The following PHACTR1 variants were observed in gnomAD, a reference collection of about 807,000 sequenced individuals.
PHACTR1 encodes the protein phosphatase and actin regulator 1.
Under a neutral mutation model 69.2 loss-of-function variants are expected in PHACTR1, and 16 were observed. That is an observed-to-expected ratio of 0.23 (90% CI 0.16 to 0.35). The LOEUF (loss-of-function observed/expected upper bound fraction) is 0.35, where lower values mean the gene tolerates loss of function less well. Ranked by LOEUF, PHACTR1 falls within the 10% of genes least tolerant of loss-of-function variation. The pLI is 1.00. For synonymous variants in PHACTR1, 312 were observed against 284.5 expected, an observed-to-expected ratio of 1.10 and a Z score of -0.97; for missense variants, 510 against 734.7, an observed-to-expected ratio of 0.69 and a Z score of 3.54.
chr6:12,751,964 C>G (rs950472724), intron 4 of PHACTR1, among the ~76,000 whole-genome samples: 2 of 152,218 alleles, frequency 1.3e-5, no homozygotes, highest in African/African-American at 4.8e-5. Flanking sequence ...GATGGGTACT[C>G]TTTCCCTCCT....
At chr6:12,812,412 A>G (rs1003753880) in intron 4 of PHACTR1, among the ~76,000 whole-genome samples, 8 of 152,198 alleles carry the variant, frequency 5.3e-5, no homozygotes, top group Non-Finnish European at 1.2e-4. Context: ...GTGTGTCATC[A>G]CGTGGAGTCC....
intron 3 of PHACTR1, among the ~76,000 whole-genome samples, chr6:12,738,770 A>C (rs1276269312): frequency 6.6e-6 from 1 of 152,164 alleles, no homozygotes; most frequent in Non-Finnish European, 1.5e-5. Flanking sequence ...GGGCTGAGGC[A>C]GGAGAATCCC....
chr6:13,222,999 G>A (rs561740553), intron 8 of PHACTR1, among the ~76,000 whole-genome samples: 4 of 152,164 alleles, frequency 2.6e-5, no homozygotes, highest in Non-Finnish European at 5.9e-5. Context: ...ATGTACTTAT[G>A]CATATATCAA....
intron 4 of PHACTR1, among the ~76,000 whole-genome samples, chr6:12,987,190 T>C (rs549932169): frequency 6.6e-6 from 1 of 152,334 alleles, no homozygotes; most frequent in Admixed American, 6.5e-5. Context: ...TTTTATTTTA[T>C]TCTGCAGGTG....
chr6:12,901,812 A>C (rs552137577), intron 4 of PHACTR1, among the ~76,000 whole-genome samples: 2 of 152,236 alleles, frequency 1.3e-5, no homozygotes, highest in Admixed American at 6.5e-5. Flanking sequence ...TTTTTATATA[A>C]GCTTTCTTAT....
chr6:13,033,637 G>A (rs1802804127), intron 4 of PHACTR1, among the ~76,000 whole-genome samples: 2 of 152,208 alleles, frequency 1.3e-5, no homozygotes, highest in Non-Finnish European at 2.9e-5. Context: ...AAAGGAAAAT[G>A]CTATATACAG....
intron 4 of PHACTR1, among the ~76,000 whole-genome samples, chr6:12,778,011 G>C (rs1469370437): frequency 2.0e-5 from 3 of 152,136 alleles, no homozygotes; most frequent in Non-Finnish European, 4.4e-5. Context: ...TGACTGTGTT[G>C]GCCCCACAGC....
At chr6:13,285,251 C>A (rs1015824585) in intron 13 of PHACTR1, among the ~76,000 whole-genome samples, 2 of 152,142 alleles carry the variant, frequency 1.3e-5, no homozygotes, top group African/African-American at 4.8e-5. Context: ...GTGACCCCTG[C>A]CCCCACCCCC....
At chr6:12,767,476 G>A (rs1343199431) in intron 4 of PHACTR1, among the ~76,000 whole-genome samples, 1 of 152,190 alleles carries the variant, frequency 6.6e-6, no homozygotes, top group African/African-American at 2.4e-5. Context: ...TTTCCAAATA[G>A]TTGCTAACTT....
intron 7 of PHACTR1, among the ~76,000 whole-genome samples, chr6:13,195,123 C>A (rs192150361): frequency 6.6e-6 from 1 of 152,202 alleles, no homozygotes; most frequent in African/African-American, 2.4e-5. Flanking sequence ...AGGCGGGCCT[C>A]GTGTTCTGAA....
At chr6:13,019,998 A>G (rs985986905) in intron 4 of PHACTR1, among the ~76,000 whole-genome samples, 3 of 152,188 alleles carry the variant, frequency 2.0e-5, no homozygotes, top group African/African-American at 7.2e-5. Context: ...TGGACAGGCT[A>G]CCTGTGCCAG....
intron 5 of PHACTR1, among the ~76,000 whole-genome samples, chr6:13,125,880 T>G (rs1320551996): frequency 6.6e-6 from 1 of 151,922 alleles, no homozygotes; most frequent in Non-Finnish European, 1.5e-5. Flanking sequence ...CAGTGAGCCA[T>G]GATCGTACCA....
intron 4 of PHACTR1, among the ~76,000 whole-genome samples, chr6:12,812,946 C>T (rs1775188782): frequency 6.6e-6 from 1 of 152,060 alleles, no homozygotes; most frequent in African/African-American, 2.4e-5. Flanking sequence ...AGAGGGAGTA[C>T]CTTGAATATG....
chr6:12,735,901 A>G (rs1181842655), intron 3 of PHACTR1, among the ~76,000 whole-genome samples: 1 of 152,186 alleles, frequency 6.6e-6, no homozygotes, highest in Non-Finnish European at 1.5e-5. Flanking sequence ...TAGAGCTGGA[A>G]CCCTGAGCTG....
At chr6:12,936,322 T>A (rs1789444644) in intron 4 of PHACTR1, among the ~76,000 whole-genome samples, 1 of 152,204 alleles carries the variant, frequency 6.6e-6, no homozygotes, top group Non-Finnish European at 1.5e-5. Context: ...ATTTTAATAT[T>A]AATTGATTAA....
chr6:13,203,629 G>C (rs754551691), intron 7 of PHACTR1, among the ~76,000 whole-genome samples: 2 of 152,202 alleles, frequency 1.3e-5, no homozygotes, highest in African/African-American at 4.8e-5. Flanking sequence ...TTTCAGGGGT[G>C]ATTGTTTGTG....
chr6:12,942,185 A>G (rs1790127118), intron 4 of PHACTR1, among the ~76,000 whole-genome samples: 1 of 152,244 alleles, frequency 6.6e-6, no homozygotes, highest in African/African-American at 2.4e-5. Context: ...CAACAAAAAA[A>G]GAAGGAAAAA....
At chr6:12,903,232 A>G (rs542160617) in intron 4 of PHACTR1, among the ~76,000 whole-genome samples, 3 of 152,184 alleles carry the variant, frequency 2.0e-5, no homozygotes, top group Non-Finnish European at 2.9e-5. Flanking sequence ...GATCAAATGA[A>G]TAAGGATAAG....
rs184889011 is a variant in PHACTR1 at position 13,200,072 on chromosome 6, T to C, written c.665-5743T>C. Among the ~76,000 whole-genome samples the C allele has an allele frequency of 3.0e-4, 45 of 152,334 alleles. 1 individual carries two copies. The East Asian group carries it at 7.7e-3, about 26-fold the overall frequency. On this transcript the variant is annotated intron_variant, in intron 7 of 14. Transcript: ENST00000332995. The stretch of plus-strand genomic sequence containing the variant: ...TCCCAATGACCCCCCAGGATGGACA[T>C]TGGTCCAGATGCTGGATGGAACTGA...
Sources: gnomAD v4.1 joint callset for allele counts (sites outside exome capture counted in the v4.1 genomes callset) on GRCh38, gnomAD v4.1.1 for gene constraint, MANE v1.5 for transcripts, NCBI Gene and HGNC (gene_info 2026-07-23, HGNC 2026-07-21) for gene names.